PRKD1: variants seen among roughly 807,000 people sequenced by gnomAD.
The protein encoded by PRKD1 is serine/threonine-protein kinase D1.
In PRKD1, 63 loss-of-function variants were observed where a neutral mutation model predicts 95.9. The observed-to-expected ratio is 0.66, with a 90% CI of 0.54 to 0.81. The LOEUF is 0.81. PRKD1 is among the 30% of genes least tolerant of loss of function. PRKD1 has a pLI of 0.00. For synonymous variants in PRKD1, 425 were observed against 423.1 expected, an observed-to-expected ratio of 1.00 and a Z score of -0.05; for missense variants, 1,048 against 1,165.3, an observed-to-expected ratio of 0.90 and a Z score of 1.47.
chr14:29,833,354 G>A lies in PRKD1; in HGVS notation c.264+93895C>T, dbSNP rs45448898. ...AATATAATTAGTCAAAATGATTGTC[G>A]AAATTCTATTCTTTTATAATAAACC... On this transcript the variant is annotated intron_variant, in intron 1 of 17. Coordinates refer to ENST00000331968, the MANE Select transcript of PRKD1 (RefSeq NM_002742.3). Among the ~76,000 whole-genome samples, 771 of 151,964 alleles carry A rather than the reference G, an allele frequency of 5.1e-3. 6 individuals are homozygous for A. Among genetic ancestry groups the A allele is most frequent in the Non-Finnish European group, 8.8e-3 (594 of 67,878 alleles).
intron 2 of PRKD1, among the ~76,000 whole-genome samples, chr14:29,705,973 G>A (rs932912786): frequency 6.6e-6 from 1 of 152,018 alleles, no homozygotes; most frequent in African/African-American, 2.4e-5. Flanking sequence ...ATTCTTTGGG[G>A]TATAAACCAA....
intron 1 of PRKD1, among the ~76,000 whole-genome samples, chr14:29,757,890 T>C (rs1005564202): frequency 1.3e-5 from 2 of 151,772 alleles, no homozygotes; most frequent in Non-Finnish European, 2.9e-5. Context: ...GAGGGTGTAA[T>C]GTGTACCAGG....
chr14:29,666,296 C>A, intron 2 of PRKD1, 88 bp from the exon 3 acceptor site: 1 of 1,356,170 alleles, frequency 7.4e-7, no homozygotes, highest in Non-Finnish European at 9.9e-7. Context: ...TATGCCAGTA[C>A]GGATATAACT....
At chr14:29,762,956 C>A (rs1407709721) in intron 1 of PRKD1, among the ~76,000 whole-genome samples, 6 of 151,802 alleles carry the variant, frequency 4.0e-5, no homozygotes, top group Non-Finnish European at 8.8e-5. Flanking sequence ...GTTGCCCAGG[C>A]TGATCTTGAA....
chr14:29,803,439 T>C (rs759741795), intron 1 of PRKD1, among the ~76,000 whole-genome samples: 1 of 152,202 alleles, frequency 6.6e-6, no homozygotes, highest in Non-Finnish European at 1.5e-5. Context: ...TTTTGTCTAG[T>C]TAATATCAAA....
chr14:29,921,918 C>A (rs1895125454), intron 1 of PRKD1, among the ~76,000 whole-genome samples: 1 of 152,180 alleles, frequency 6.6e-6, no homozygotes, highest in Admixed American at 6.5e-5. Context: ...CTCTTCCCAG[C>A]CCATGGACTA....
intron 4 of PRKD1, 136 bp from the exon 5 acceptor site, chr14:29,639,040 T>C: frequency 1.6e-6 from 1 of 640,894 alleles, no homozygotes; most frequent in South Asian, 2.8e-5. Flanking sequence ...ACTGTATTTC[T>C]GTTAATTAAT....
intron 1 of PRKD1, among the ~76,000 whole-genome samples, chr14:29,843,399 A>G (rs1891945420): frequency 6.6e-6 from 1 of 152,178 alleles, no homozygotes; most frequent in South Asian, 2.1e-4. Flanking sequence ...CAGAAAATAA[A>G]TATGGAAGAT....
chr14:29,817,575 T>G (rs1890742472), intron 1 of PRKD1, among the ~76,000 whole-genome samples: 1 of 152,220 alleles, frequency 6.6e-6, no homozygotes, highest in Non-Finnish European at 1.5e-5. Flanking sequence ...CAATAAATCC[T>G]CGTGACCTCT....
At chr14:29,680,024 T>G (rs145039633) in intron 2 of PRKD1, among the ~76,000 whole-genome samples, 1 of 152,254 alleles carries the variant, frequency 6.6e-6, no homozygotes, top group Non-Finnish European at 1.5e-5. Flanking sequence ...ATCAACATCA[T>G]TGCAAAGGAA....
chr14:29,690,458 G>C (rs1884163320), intron 2 of PRKD1, among the ~76,000 whole-genome samples: 1 of 152,020 alleles, frequency 6.6e-6, no homozygotes, highest in Non-Finnish European at 1.5e-5. Context: ...CCACTTTTCT[G>C]TCTCCAAATA....
chr14:29,701,556 G>T (rs369961218), intron 2 of PRKD1, among the ~76,000 whole-genome samples: 3 of 152,080 alleles, frequency 2.0e-5, no homozygotes, highest in African/African-American at 7.2e-5. Context: ...TACATGAAAG[G>T]CTACATAAAT....
chr14:29,885,684 C>T (rs1893676886), intron 1 of PRKD1, among the ~76,000 whole-genome samples: 1 of 151,584 alleles, frequency 6.6e-6, no homozygotes, highest in Non-Finnish European at 1.5e-5. Flanking sequence ...ACATGTTTTT[C>T]AGGGGGCATG....
chr14:29,907,251 C>T (rs1894526770), intron 1 of PRKD1, among the ~76,000 whole-genome samples: 2 of 152,144 alleles, frequency 1.3e-5, no homozygotes, highest in Non-Finnish European at 2.9e-5. Flanking sequence ...CCAATATTCT[C>T]CCTAGCTACA....
At chr14:29,759,965 T>C (rs1218462029) in intron 1 of PRKD1, among the ~76,000 whole-genome samples, 1 of 152,178 alleles carries the variant, frequency 6.6e-6, no homozygotes, top group African/African-American at 2.4e-5. Flanking sequence ...AAAGTTAAAA[T>C]AGTCTGGCCA....
chr14:29,800,466 T>A (rs1032645210), intron 1 of PRKD1, among the ~76,000 whole-genome samples: 1 of 152,148 alleles, frequency 6.6e-6, no homozygotes, highest in African/African-American at 2.4e-5. Context: ...ACAAAAAAAC[T>A]TTTATGGATT....
rs77182891 is a variant in PRKD1, at chr14:29,605,960, C to T, written c.1906-6143G>A. Reference sequence around the variant, plus strand: ...ATTGAGTTCTCTTAAATCTGTTAGTCGGAAATTTCAGGAGTCTGATGACAA... The same window carrying T: ...ATTGAGTTCTCTTAAATCTGTTAGTTGGAAATTTCAGGAGTCTGATGACAA... On this transcript the variant is annotated intron_variant, in intron 13 of 17. Transcript: ENST00000331968. 6.5e-3 allele frequency among the ~76,000 whole-genome samples: 991 copies of T among 152,194 alleles called. 22 individuals are homozygous for T. The highest frequency in any genetic ancestry group is 0.022 in the African/African-American group (921 of 41,532).
At chr14:29,852,772 T>A in intron 1 of PRKD1, among the ~76,000 whole-genome samples, 1 of 152,126 alleles carries the variant, frequency 6.6e-6, no homozygotes, top group South Asian at 2.1e-4. Flanking sequence ...TTTAAATGTT[T>A]CACTTCAAAA....
At chr14:29,916,332 G>C (rs1397704382) in intron 1 of PRKD1, among the ~76,000 whole-genome samples, 1 of 152,154 alleles carries the variant, frequency 6.6e-6, no homozygotes, top group Non-Finnish European at 1.5e-5. Flanking sequence ...ATCTAGCGTG[G>C]CCATTTCTTC....
Sources: allele counts gnomAD v4.1 joint callset (sites outside exome capture counted in the v4.1 genomes callset), GRCh38; gene constraint gnomAD v4.1.1; transcripts MANE v1.5; gene names NCBI Gene and HGNC (gene_info 2026-07-23, HGNC 2026-07-21).